The following REV3L variants were observed in gnomAD, a reference collection of about 807,000 sequenced individuals.
The protein encoded by REV3L is DNA polymerase zeta catalytic subunit.
A neutral mutation model predicts 299.4 loss-of-function variants in REV3L; 69 were observed. That is an observed-to-expected ratio of 0.23 (90% CI 0.19 to 0.28). The LOEUF is 0.28. Among genes scored for constraint, REV3L ranks in the 10% least tolerant of loss-of-function variants. REV3L has a pLI of 1.00. For missense variants in REV3L, 3,128 were observed against 3,693.8 expected (o/e 0.85, Z 3.97); for synonymous variants, 1,238 against 1,271.4 (o/e 0.97, Z 0.56).
At chr6:111,430,363 A>G in intron 1 of REV3L, 1 of 1,239,312 alleles carries the variant, frequency 8.1e-7, no homozygotes, top group East Asian at 2.3e-5. Flanking sequence ...AATGGATTTT[A>G]AATGAAAGAA....
At chr6:111,467,376 T>C (rs1409143405) in intron 1 of REV3L, among the ~76,000 whole-genome samples, 2 of 152,198 alleles carry the variant, frequency 1.3e-5, no homozygotes, top group African/African-American at 4.8e-5. Context: ...TACTGCATTC[T>C]CAAAAGAGTC....
intron 1 of REV3L, 85 bp downstream of exon 1, chr6:111,482,665 G>GGCGTGTGC (rs1022115536): frequency 1.5e-5 from 13 of 855,808 alleles, no homozygotes; most frequent in African/African-American, 7.3e-5. Flanking sequence ...CGGCGCCGGT[G>GGCGTGTGC]GCGTGTGCGC....
Position 111,412,359 on chromosome 6 carries a change from T to C in REV3L, c.330-805A>G, listed in dbSNP as rs139758380. The C allele has an allele frequency of 2.0e-4, 119 of 590,956 alleles. 1 individual carries two copies. The East Asian group carries it at 0.013, about 67-fold the overall frequency. The allele number at this position is 590,956 out of a possible 1,614,324, so 36.6% of individuals were successfully genotyped here. On this transcript the variant is annotated intron_variant, in intron 2 of 31. Coordinates refer to ENST00000368802, the MANE Select transcript of REV3L (RefSeq NM_001372078.1). ...AGGAAGAGAAATCCTCGGTGCAAGATGAAATAAGCTGAACTCTCACATCAT... is the reference window on the plus strand; with the variant it reads ...AGGAAGAGAAATCCTCGGTGCAAGACGAAATAAGCTGAACTCTCACATCAT...
At chr6:111,407,530 T>C (rs775300096) in intron 3 of REV3L, among the ~76,000 whole-genome samples, 1 of 152,184 alleles carries the variant, frequency 6.6e-6, no homozygotes, top group African/African-American at 2.4e-5. Flanking sequence ...AGCATCACCA[T>C]GAGGTCAAAA....
At chr6:111,369,335 A>G (rs1187247591) in intron 13 of REV3L, among the ~76,000 whole-genome samples, 1 of 151,420 alleles carries the variant, frequency 6.6e-6, no homozygotes, top group Non-Finnish European at 1.5e-5. Flanking sequence ...CAGTTTTCTT[A>G]CATATTGTCA....
chr6:111,470,970 ACT>A (rs1284886996), intron 1 of REV3L, among the ~76,000 whole-genome samples: 1 of 152,130 alleles, frequency 6.6e-6, no homozygotes, highest in Non-Finnish European at 1.5e-5. Flanking sequence ...ACAGAGTGAG[ACT>A]CTGTCTCAAA....
chr6:111,424,169 A>G (rs1050348183), intron 1 of REV3L, among the ~76,000 whole-genome samples: 2 of 152,230 alleles, frequency 1.3e-5, no homozygotes, highest in African/African-American at 4.8e-5. Flanking sequence ...GAGCCCTGAG[A>G]GGGCTACCAG....
At position 111,380,271 on chromosome 6, in the gene REV3L, TG is replaced by T. The variant is rs778585384; in HGVS notation, c.1217-53del. 7.0e-6 allele frequency: 9 copies of T among 1,282,280 alleles called. No individual in the cohort carries two copies. The South Asian group carries it at 1.2e-4, about 17-fold the overall frequency. The allele number at this position is 1,282,280 out of a possible 1,614,324, so 79.4% of individuals were successfully genotyped here. A position where few individuals can be genotyped will look rare whatever the true frequency, so the allele number is the denominator to read the frequency against. On this transcript the variant is annotated intron_variant, in intron 10 of 31. Transcript: ENST00000368802. ...ACAAATAAGTTTTCTTTTTTTTTTT[TG>T]ACACGGAGTCTTGCTCTCTCACCCA...
At chr6:111,412,530 T>C (rs1784351229) in intron 2 of REV3L, among the ~76,000 whole-genome samples, 1 of 152,136 alleles carries the variant, frequency 6.6e-6, no homozygotes, top group Non-Finnish European at 1.5e-5. Context: ...GGTCTGTTAA[T>C]ACACGGTTAA....
chr6:111,476,956 CAT>C (rs200332304), intron 1 of REV3L, among the ~76,000 whole-genome samples: 5,455 of 152,232 alleles, frequency 0.036, 228 homozygotes, highest in African/African-American at 0.11. Flanking sequence ...AAAATCAGCA[CAT>C]GTTATCTGTA....
chr6:111,482,196 C>G (rs1793789489), intron 1 of REV3L, among the ~76,000 whole-genome samples: 1 of 152,204 alleles, frequency 6.6e-6, no homozygotes, highest in Non-Finnish European at 1.5e-5. Flanking sequence ...GAAAGATTAT[C>G]TGGCCCCAAG....
upstream of REV3L, chr6:111,483,558 G>T (rs776373016): frequency 4.5e-5 from 22 of 485,472 alleles, no homozygotes; most frequent in South Asian, 3.5e-4. Context: ...CCGTTTTGGC[G>T]GCTATGCAGG....
intron 1 of REV3L, among the ~76,000 whole-genome samples, chr6:111,424,322 A>T (rs1248751721): frequency 6.6e-6 from 1 of 152,206 alleles, no homozygotes; most frequent in Non-Finnish European, 1.5e-5. Context: ...GATGTAGATA[A>T]AAGTATATAG....
intron 1 of REV3L, among the ~76,000 whole-genome samples, chr6:111,481,293 G>A (rs568692041): frequency 1.6e-3 from 245 of 152,242 alleles, no homozygotes; most frequent in African/African-American, 5.7e-3. Flanking sequence ...ATTCCAATTG[G>A]AAACAAAGAC....
intron 1 of REV3L, among the ~76,000 whole-genome samples, chr6:111,434,675 T>C (rs1215060986): frequency 1.4e-5 from 2 of 139,720 alleles, no homozygotes. Context: ...AAAATCAACA[T>C]ACAAAAATCA....
At chr6:111,304,145 C>G (rs1227971253) in intron 31 of REV3L, among the ~76,000 whole-genome samples, 4 of 147,058 alleles carry the variant, frequency 2.7e-5, no homozygotes, top group Non-Finnish European at 6.0e-5. Flanking sequence ...TCACTTATTT[C>G]TGATCACTTG....
intron 1 of REV3L, among the ~76,000 whole-genome samples, chr6:111,466,082 C>T (rs1791479591): frequency 6.6e-6 from 1 of 152,078 alleles, no homozygotes; most frequent in Non-Finnish European, 1.5e-5. Flanking sequence ...AAATTCTATA[C>T]CTGTTAAATA....
At chr6:111,416,212 CTGAG>C (rs1014386559) in intron 2 of REV3L, 67 bp downstream of exon 2, 10 of 1,032,298 alleles carry the variant, frequency 9.7e-6, no homozygotes, top group South Asian at 5.0e-5. Context: ...AGTTTATCAA[CTGAG>C]TATGTTTTCC....
At chr6:111,409,083 CA>C (rs1783959131) in intron 3 of REV3L, among the ~76,000 whole-genome samples, 1 of 152,112 alleles carries the variant, frequency 6.6e-6, no homozygotes, top group Non-Finnish European at 1.5e-5. Flanking sequence ...AGAAAAGAAA[CA>C]TTGTTTTACA....
Sources: gnomAD v4.1 joint callset for allele counts (sites outside exome capture counted in the v4.1 genomes callset) on GRCh38, gnomAD v4.1.1 for gene constraint, MANE v1.5 for transcripts, NCBI Gene and HGNC (gene_info 2026-07-23, HGNC 2026-07-21) for gene names.